TRIL: variants seen among roughly 807,000 people sequenced by gnomAD.
The protein encoded by TRIL is TLR4 interactor with leucine rich repeats.
In TRIL, 23 loss-of-function variants were observed where a neutral mutation model predicts 43.0. That is an observed-to-expected ratio of 0.54 (90% CI 0.39 to 0.76). The LOEUF (loss-of-function observed/expected upper bound fraction) is 0.76, where lower values mean the gene tolerates loss of function less well. Ranked by LOEUF, TRIL falls within the 30% of genes least tolerant of loss-of-function variation. The pLI is 0.00. For synonymous variants in TRIL, 602 were observed against 556.8 expected (o/e 1.08, Z -1.14); for missense variants, 1,114 against 1,139.3 (o/e 0.98, Z 0.32).
chr7:28,956,067 G>A lies in TRIL; in HGVS notation c.1980C>T (p.Cys660=), dbSNP rs1224230532. ...CACGGCCCCCAAGCACGCCCTCCAC[G>A]CACACCAGGTAGGGGGTGTCCCCGC... ...ELRGDTPYLV[C]VEGVLGGRVC... The change falls in exon 1 of 1, where the codon TGC becomes TGT. Residue 660 remains cysteine (C), a synonymous_variant. Transcript: ENST00000539664. The A allele has an allele frequency of 1.9e-6, 3 of 1,551,918 alleles. No individual in the cohort carries two copies. Among genetic ancestry groups the A allele is most frequent in the Admixed American group, 1.9e-5 (1 of 51,900 alleles).
At position 28,955,926 on chromosome 7, in the gene TRIL, C is replaced by G. The variant is rs1783392780; in HGVS notation, c.2121G>C (p.Ala707=). ...CCGCCAAGGCCAGGAGCACCAGCAG[C>G]GCGTTGACCGTCAGCAGGGCCAAGG... The part of the protein sequence containing the change: ...LLTLALLTVN[A]LLVLLALAAW... The change falls in exon 1 of 1, where the codon GCG becomes GCC. Residue 707 remains alanine, a synonymous_variant. Transcript: ENST00000539664. 1 of 1,552,902 alleles carries G rather than the reference C, an allele frequency of 6.4e-7. No individual in the cohort carries two copies. Among genetic ancestry groups the G allele is most frequent in the Non-Finnish European group, 8.7e-7 (1 of 1,150,666 alleles).
Position 28,955,222 on chromosome 7 carries a change from CTGTT to C in TRIL, c.*385_*388del. On this transcript the variant is annotated 3_prime_UTR_variant, in exon 1 of 1. Coordinates refer to ENST00000539664, the MANE Select transcript of TRIL (RefSeq NM_014817.4). ...TTCCTTAAATAGAAACAAAACTTCTCTGTTTGACACTGAGCAAACAAAAAGCATG... is the reference window on the plus strand; with the variant it reads ...TTCCTTAAATAGAAACAAAACTTCTCTGACACTGAGCAAACAAAAAGCATG... 1 of 213,866 alleles carries C rather than the reference CTGTT, an allele frequency of 4.7e-6. No individual in the cohort carries two copies. Among genetic ancestry groups the C allele is most frequent in the Non-Finnish European group, 9.2e-6 (1 of 109,246 alleles). The allele number at this position is 213,866 out of a possible 1,614,324, so 13.2% of individuals were successfully genotyped here. A position where few individuals can be genotyped will look rare whatever the true frequency, so the allele number is the denominator to read the frequency against.
Position 28,956,891 on chromosome 7 carries a change from CAGTG to C in TRIL, c.1152_1155del (p.Thr385SerfsTer38). ...GGGGGGTGGCGACACTGCACGAAGA[CAGTG>C]AGGAGCCGGCCCTGCGAGTGCCAGT... is the stretch of plus-strand genomic sequence containing the variant. On this transcript the variant is annotated frameshift_variant, in exon 1 of 1. Coordinates refer to ENST00000539664, the MANE Select transcript of TRIL (RefSeq NM_014817.4). LOFTEE classifies it high-confidence loss of function. The C allele has an allele frequency of 6.2e-7, 1 of 1,609,706 alleles. No homozygotes were observed. The highest frequency in any genetic ancestry group is 8.5e-7 in the Non-Finnish European group (1 of 1,178,216).
Position 28,956,996 on chromosome 7 carries a change from G to C in TRIL, c.1051C>G (p.Leu351Val). ...SGDIFAASPA[L>V]YRLDLDGNGW... is the part of the protein sequence containing the mutation. ...TTGCCGTCTAGATCCAGCCGATAAA[G>C]GGCTGGGCTGGCGGCGAAGATGTCC... The change falls in exon 1 of 1, where the codon CTT becomes GTT. Residue 351 changes from leucine (L) to valine (V), a missense_variant. Leu to Val is a conservative substitution (Grantham distance 32, BLOSUM62 1). Transcript: ENST00000539664. 1 of 1,582,520 alleles carries C rather than the reference G, an allele frequency of 6.3e-7. No homozygotes were observed. Among genetic ancestry groups the C allele is most frequent in the Non-Finnish European group, 8.6e-7 (1 of 1,165,286 alleles).
rs560532091 is a variant in TRIL, at chr7:28,955,233, T to C, written c.*378A>G. The C allele has an allele frequency of 6.7e-5, 16 of 239,960 alleles. No homozygotes were observed. The highest frequency in any genetic ancestry group is 5.9e-4 in the Admixed American group (11 of 18,600). 14.9% of individuals were successfully genotyped at this position (239,960 alleles called of 1,614,324 possible). On this transcript the variant is annotated 3_prime_UTR_variant, in exon 1 of 1. Coordinates refer to ENST00000539664, the MANE Select transcript of TRIL (RefSeq NM_014817.4). Reference sequence around the variant, plus strand: ...GAAACAAAACTTCTCTGTTTGACACTGAGCAAACAAAAAGCATGCACCCAA... The same window carrying C: ...GAAACAAAACTTCTCTGTTTGACACCGAGCAAACAAAAAGCATGCACCCAA...
chr7:28,955,343 T>C lies in TRIL; in HGVS notation c.*268A>G. 1 of 475,916 alleles carries C rather than the reference T, an allele frequency of 2.1e-6. No individual in the cohort carries two copies. Among genetic ancestry groups the C allele is most frequent in the Non-Finnish European group, 3.6e-6 (1 of 277,470 alleles). The allele number at this position is 475,916 out of a possible 1,614,324, so 29.5% of individuals were successfully genotyped here. On this transcript the variant is annotated 3_prime_UTR_variant, in exon 1 of 1. Transcript: ENST00000539664. ...TGCATTGCAGTGCTACAAAAGCCAT[T>C]CGCATAGCTGTGTCAAAGCCTCCAA... is the stretch of plus-strand genomic sequence containing the variant.
rs1276755613 is a variant in TRIL, at chr7:28,956,019, G to A, written c.2028C>T (p.Asp676=). 6.5e-7 allele frequency: 1 copy of A among 1,549,904 alleles called. No homozygotes were observed. Among genetic ancestry groups the A allele is most frequent in the South Asian group, 1.2e-5 (1 of 84,576 alleles). The change falls in exon 1 of 1, where the codon GAC becomes GAT. Residue 676 remains aspartate, a synonymous_variant. Transcript: ENST00000539664. ...GGRVCPVAPR[D]HCAGLVTLPE... ...GTAGGGTGACCAGCCCCGCGCAGTG[G>A]TCCCGGGGAGCCACAGGGCAGACAC...
In TRIL at chr7:28,956,625, C is replaced by A. The variant is rs1583885316; in HGVS notation, c.1422G>T (p.Glu474Asp). ...TTAGGGCGCTGCGGTTGCCTACCAG[C>A]TCCCTGGCGGCCCCATCCCAGGCCA... ...AGVAWDGAAR[E>D]LVGNRSALRL... Residue 474 changes from glutamate (E) to aspartate (D), a missense_variant, in exon 1 of 1, where the codon GAG becomes GAT. Coordinates refer to ENST00000539664, the MANE Select transcript of TRIL (RefSeq NM_014817.4). 1 of 1,566,950 alleles carries A rather than the reference C, an allele frequency of 6.4e-7. No homozygotes were observed. Among genetic ancestry groups the A allele is most frequent in the South Asian group, 1.2e-5 (1 of 86,042 alleles).
Position 28,955,752 on chromosome 7 carries a change from G to A in TRIL, c.2295C>T (p.His765=), listed in dbSNP as rs1783387130. 1.9e-6 allele frequency: 3 copies of A among 1,550,362 alleles called. No homozygotes were observed. Among genetic ancestry groups the A allele is most frequent in the Non-Finnish European group, 2.6e-6 (3 of 1,146,886 alleles). ...GCGCGCACACGGTGGTGCGTGGCCG[G>A]TGCGACTGGAATCCCGAGAAGTCGG... The part of the protein sequence containing the change: ...VSADFSGFQS[H]RPRTTVCALS... Residue 765 remains histidine (H), a synonymous_variant, in exon 1 of 1, where the codon CAC becomes CAT. Transcript: ENST00000539664.
Position 28,954,634 on chromosome 7 carries a change from TAAG to T in TRIL, c.*974_*976del, listed in dbSNP as rs1783369375. On this transcript the variant is annotated 3_prime_UTR_variant, in exon 1 of 1. Transcript: ENST00000539664. ...GTCAACCATGTCACTGATAAAAACA[TAAG>T]AAGTAATGCATCACATTTATTCCAA... 1 of 152,226 alleles carries T rather than the reference TAAG, an allele frequency of 6.6e-6. No individual in the cohort carries two copies. 9.4% of individuals were successfully genotyped at this position (152,226 alleles called of 1,614,324 possible).
In TRIL at chr7:28,957,605, G is replaced by A; in HGVS notation, c.442C>T (p.Arg148Cys). ...CTCTCCAGGCCCTCGAAGGAGCCGCGGCTTAGGCGGCTGATCTCGTTCCCG... is the reference window on the plus strand; with the variant it reads ...CTCTCCAGGCCCTCGAAGGAGCCGCAGCTTAGGCGGCTGATCTCGTTCCCG... ...ANGNEISRLS[R>C]GSFEGLESLV... is the part of the protein sequence containing the mutation. The change falls in exon 1 of 1, where the codon CGC (arginine) becomes TGC (cysteine). Residue 148 changes from arginine to cysteine, a missense_variant. By Grantham distance (180) the Arg-to-Cys change is radical (BLOSUM62 -3). Coordinates refer to ENST00000539664, the MANE Select transcript of TRIL (RefSeq NM_014817.4). 1 of 1,611,472 alleles carries A rather than the reference G, an allele frequency of 6.2e-7. No individual in the cohort carries two copies. The highest frequency in any genetic ancestry group is 8.5e-7 in the Non-Finnish European group (1 of 1,179,098).
Position 28,957,267 on chromosome 7 carries a change from G to C in TRIL, c.780C>G (p.Leu260=), listed in dbSNP as rs770449439. 3.1e-6 allele frequency: 5 copies of C among 1,609,916 alleles called. No homozygotes were observed. In the South Asian group the frequency reaches 5.5e-5, roughly 18 times the overall value. Residue 260 remains leucine (L), a synonymous_variant, in exon 1 of 1, where the codon CTC becomes CTG. Transcript: ENST00000539664. The part of the protein sequence containing the change: ...QHLPRLGLLS[L]RGNQLTHLAP... ...CGAGGTGCGTGAGCTGGTTGCCCCT[G>C]AGCGAGAGCAGGCCGAGACGTGGCA...
At position 28,956,221 on chromosome 7, in the gene TRIL, T is replaced by G. The variant is rs1252847122; in HGVS notation, c.1826A>C (p.His609Pro). Residue 609 changes from histidine to proline, a missense_variant, in exon 1 of 1, where the codon CAC becomes CCC. Transcript: ENST00000539664. Reference sequence around the variant, plus strand: ...GCCGCCCAGCGGCCGGGGACTGCGGTGCTCGCGCACGGCCCAGCGCACCGA... The same window carrying G: ...GCCGCCCAGCGGCCGGGGACTGCGGGGCTCGCGCACGGCCCAGCGCACCGA... Reference protein sequence around the residue: ...SASVRWAVREHRSPRPLGGAR... With the variant: ...SASVRWAVREPRSPRPLGGAR... The G allele has an allele frequency of 6.4e-6, 10 of 1,556,772 alleles. No homozygotes were observed. Among genetic ancestry groups the G allele is most frequent in the Non-Finnish European group, 8.7e-6 (10 of 1,153,156 alleles).
rs1783360122 is a variant in TRIL at position 28,954,029 on chromosome 7, G to C, written c.*1582C>G. On this transcript the variant is annotated 3_prime_UTR_variant, in exon 1 of 1. Transcript: ENST00000539664. ...CCCTAAACAGAAGATTCCACTGTCA[G>C]CCTTAGCACCATTGCAGTGACCTCC... 1 of 152,606 alleles carries C rather than the reference G, an allele frequency of 6.6e-6. No individual in the cohort carries two copies. The highest frequency in any genetic ancestry group is 1.5e-5 in the Non-Finnish European group (1 of 68,048). The allele number at this position is 152,606 out of a possible 1,614,324, so 9.5% of individuals were successfully genotyped here. A position where few individuals can be genotyped will look rare whatever the true frequency, so the allele number is the denominator to read the frequency against.
In TRIL at chr7:28,955,498, CA is replaced by C. The variant is rs1783382391; in HGVS notation, c.*112del. 2 of 1,401,886 alleles carry C rather than the reference CA, an allele frequency of 1.4e-6. No homozygotes were observed. The highest frequency in any genetic ancestry group is 3.0e-5 in the South Asian group (2 of 66,376). The allele number at this position is 1,401,886 out of a possible 1,614,324, so 86.8% of individuals were successfully genotyped here. ...GGTGCCCGAATTGGCCCTCTGTCCC[CA>C]CCGGCCTCTCTGGCAAGTGCACAAA... On this transcript the variant is annotated 3_prime_UTR_variant, in exon 1 of 1. Coordinates refer to ENST00000539664, the MANE Select transcript of TRIL (RefSeq NM_014817.4).
rs767055500 is a variant in TRIL, at chr7:28,957,430, C to A, written c.617G>T (p.Arg206Leu). The change falls in exon 1 of 1, where the codon CGC becomes CTC. Residue 206 changes from arginine to leucine, a missense_variant. Physicochemically the swap from Arg to Leu is moderately radical, Grantham distance 102. Coordinates refer to ENST00000539664, the MANE Select transcript of TRIL (RefSeq NM_014817.4). ...KNAFAQLGKL[R>L]FLNLSANELQ... ...CTCGTTGGCAGAGAGGTTGAGGAAG[C>A]GCAGCTTGCCTAGCTGGGCGAAGGC... The A allele has an allele frequency of 5.6e-6, 9 of 1,613,442 alleles. No individual in the cohort carries two copies. The highest frequency in any genetic ancestry group is 4.2e-6 in the Non-Finnish European group (5 of 1,179,876).
rs917123685 is a variant in TRIL at position 28,955,214 on chromosome 7, A to G, written c.*397T>C. 1 of 201,364 alleles carries G rather than the reference A, an allele frequency of 5.0e-6. No individual in the cohort carries two copies. Among genetic ancestry groups the G allele is most frequent in the African/African-American group, 2.3e-5 (1 of 43,554 alleles). 12.5% of individuals were successfully genotyped at this position (201,364 alleles called of 1,614,324 possible). ...TAAGTTCCTTCCTTAAATAGAAACA[A>G]AACTTCTCTGTTTGACACTGAGCAA... On this transcript the variant is annotated 3_prime_UTR_variant, in exon 1 of 1. Coordinates refer to ENST00000539664, the MANE Select transcript of TRIL (RefSeq NM_014817.4).
At position 28,957,367 on chromosome 7, in the gene TRIL, G is replaced by C; in HGVS notation, c.680C>G (p.Pro227Arg). 1 of 1,613,168 alleles carries C rather than the reference G, an allele frequency of 6.2e-7. No homozygotes were observed. The highest frequency in any genetic ancestry group is 1.1e-5 in the South Asian group (1 of 91,070). Reference protein sequence around the residue: ...PSLRHAATFAPLRSLSSLILS... With the variant: ...PSLRHAATFARLRSLSSLILS... ...GATGAGGGAGGAGAGGGAGCGCAGCGGTGCGAAGGTGGCCGCGTGGCGCAG... is the reference window on the plus strand; with the variant it reads ...GATGAGGGAGGAGAGGGAGCGCAGCCGTGCGAAGGTGGCCGCGTGGCGCAG... Residue 227 changes from proline to arginine, a missense_variant, in exon 1 of 1, where the codon CCG becomes CGG. Pro to Arg is a moderately radical substitution (Grantham distance 103). Transcript: ENST00000539664.
Position 28,958,060 on chromosome 7 carries a change from G to A in TRIL, c.-14C>T, listed in dbSNP as rs1467782849. 10 of 1,485,222 alleles carry A rather than the reference G, an allele frequency of 6.7e-6. No individual in the cohort carries two copies. The South Asian group carries it at 1.4e-4, about 21-fold the overall frequency. The allele number at this position is 1,485,222 out of a possible 1,614,324, so 92.0% of individuals were successfully genotyped here. ...GGCAGCCTCCATCGCCTCCCGCCCT[G>A]CGTGCAGCGGCCGGATCGTCCTCTT... On this transcript the variant is annotated 5_prime_UTR_variant, in exon 1 of 1. An upstream open reading frame in the 5' UTR gains an earlier in-frame stop. Transcript: ENST00000539664.
Sources: gnomAD v4.1 joint callset for allele counts on GRCh38, gnomAD v4.1.1 for gene constraint, MANE v1.5 for transcripts, NCBI Gene and HGNC (gene_info 2026-07-23, HGNC 2026-07-21) for gene names.